Variants in CCDC7 observed in about 807,000 individuals in gnomAD.
The protein encoded by CCDC7 is coiled-coil domain containing 7.
CCDC7 carries 183 observed loss-of-function variants against 196.9 expected under a neutral mutation model. The observed-to-expected ratio is 0.93, with a 90% CI of 0.82 to 1.05. CCDC7 has a LOEUF of 1.05. Among genes scored for constraint, CCDC7 ranks in the 50% least tolerant of loss-of-function variants. CCDC7 has a pLI of 0.00. For missense variants in CCDC7, 1,540 were observed against 1,482.2 expected, an observed-to-expected ratio of 1.04 and a Z score of -0.64; for synonymous variants, 525 against 484.6, an observed-to-expected ratio of 1.08 and a Z score of -1.10.
intron 18 of CCDC7, among the ~76,000 whole-genome samples, chr10:32,596,002 A>G (rs141751151): frequency 6.6e-6 from 1 of 152,154 alleles, no homozygotes; most frequent in Non-Finnish European, 1.5e-5. Context: ...TGTGGTGCTG[A>G]GAAGAATGTA....
At chr10:32,822,921 G>A (rs1469262823) in intron 31 of CCDC7, among the ~76,000 whole-genome samples, 4 of 152,182 alleles carry the variant, frequency 2.6e-5, no homozygotes, top group South Asian at 4.1e-4. Flanking sequence ...CTTTGTATTC[G>A]TAGTGTTTAA....
chr10:32,644,447 G>A lies in CCDC7; in HGVS notation c.2014+9289G>A, dbSNP rs192438773. 1.2e-3 allele frequency among the ~76,000 whole-genome samples: 179 copies of A among 152,214 alleles called. 1 individual carries two copies. The highest frequency in any genetic ancestry group is 4.1e-3 in the African/African-American group (169 of 41,518). On this transcript the variant is annotated intron_variant, in intron 20 of 41. Transcript: ENST00000639629. The stretch of plus-strand genomic sequence containing the variant: ...CCACATATGAGTGAGATCATATGGA[G>A]TTTGTCTTTCTTGCCTGGCTTGTTT...
chr10:32,690,983 C>A (rs1458103479), intron 23 of CCDC7, among the ~76,000 whole-genome samples: 1 of 152,216 alleles, frequency 6.6e-6, no homozygotes, highest in African/African-American at 2.4e-5. Context: ...TCCCCAGTTC[C>A]TGGTGTCAGA....
chr10:32,876,234 T>C, intron 41 of CCDC7, 113 bp from the exon 43 acceptor site: 1 of 748,024 alleles, frequency 1.3e-6, no homozygotes, highest in Non-Finnish European at 2.2e-6. Context: ...TCCATTTTCA[T>C]TGTTTATATT....
At chr10:32,829,402 T>G (rs993373024) in intron 32 of CCDC7, among the ~76,000 whole-genome samples, 1 of 152,236 alleles carries the variant, frequency 6.6e-6, no homozygotes, top group African/African-American at 2.4e-5. Context: ...TTGTCATGAG[T>G]ATTTCCTCCT....
chr10:32,856,844 C>T (rs187768336), intron 41 of CCDC7, among the ~76,000 whole-genome samples: 61 of 152,232 alleles, frequency 4.0e-4, no homozygotes, highest in Admixed American at 4.0e-3. Context: ...GATCCTGGGC[C>T]TGAGATACTG....
In CCDC7 at chr10:32,517,942, C is replaced by T. The variant is rs2047305750; in HGVS notation, c.873-3C>T. On this transcript the variant is annotated splice_region_variant and splice_polypyrimidine_tract_variant and intron_variant, in intron 9 of 41. Transcript: ENST00000639629. ...AACACACTTTTTTTGGTTTATTTTT[C>T]AGAGCTGTAAATGATCAAGTTTTGT... 6.3e-7 allele frequency: 1 copy of T among 1,588,258 alleles called. No individual in the cohort carries two copies. The highest frequency in any genetic ancestry group is 1.8e-5 in the Admixed American group (1 of 55,634).
chr10:32,464,790 C>T (rs373179656), intron 5 of CCDC7, among the ~76,000 whole-genome samples: 25 of 152,256 alleles, frequency 1.6e-4, no homozygotes, highest in African/African-American at 6.0e-4. Flanking sequence ...GGATTACAGG[C>T]GTGAGCCACT....
At position 32,511,834 on chromosome 10, in the gene CCDC7, CG is replaced by C. The variant is rs1226141451; in HGVS notation, c.873-6109del. 4 of 779,392 alleles carry C rather than the reference CG, an allele frequency of 5.1e-6. No homozygotes were observed. In the African/African-American group the frequency reaches 6.9e-5, roughly 13 times the overall value. The allele number at this position is 779,392 out of a possible 1,614,324, so 48.3% of individuals were successfully genotyped here. ...GCGCCAGCTCTGCCCGCGCCACCAG[CG>C]GCGCTTTCCGATGATCTCACCAATG... On this transcript the variant is annotated intron_variant, in intron 9 of 41. Coordinates refer to ENST00000639629, the Ensembl canonical transcript of CCDC7.
chr10:32,639,555 G>A (rs2066321664), intron 20 of CCDC7, among the ~76,000 whole-genome samples: 1 of 151,532 alleles, frequency 6.6e-6, no homozygotes, highest in African/African-American at 2.4e-5. Flanking sequence ...GCGGTTTTGA[G>A]TGAGATTCTT....
intron 16 of CCDC7, among the ~76,000 whole-genome samples, chr10:32,579,559 T>C (rs2058549412): frequency 6.6e-6 from 1 of 152,196 alleles, no homozygotes. Context: ...TCCCCAAGAC[T>C]ACTGCCCTCA....
chr10:32,622,286 A>AT (rs144051363), intron 18 of CCDC7, among the ~76,000 whole-genome samples: 32 of 151,680 alleles, frequency 2.1e-4, no homozygotes, highest in Admixed American at 6.6e-4. Flanking sequence ...CCCTGTCTGG[A>AT]TTTTTTTTTC....
At chr10:32,648,479 G>A (rs1397936251) in intron 20 of CCDC7, among the ~76,000 whole-genome samples, 1 of 152,108 alleles carries the variant, frequency 6.6e-6, no homozygotes, top group Non-Finnish European at 1.5e-5. Context: ...ATGCATGCAT[G>A]TATCTTTATA....
At chr10:32,534,781 C>A (rs1197697622) in intron 11 of CCDC7, among the ~76,000 whole-genome samples, 1 of 152,104 alleles carries the variant, frequency 6.6e-6, no homozygotes, top group Non-Finnish European at 1.5e-5. Flanking sequence ...GCCACTCTGA[C>A]TTGACATCTC....
intron 41 of CCDC7, 150 bp from the exon 43 acceptor site, chr10:32,876,197 A>T: frequency 1.8e-6 from 1 of 570,134 alleles, no homozygotes; most frequent in Non-Finnish European, 3.1e-6. Flanking sequence ...TATAAAAACA[A>T]TAGGTAGGTA....
intron 13 of CCDC7, among the ~76,000 whole-genome samples, chr10:32,548,778 T>C (rs1263234099): frequency 6.6e-6 from 1 of 152,236 alleles, no homozygotes; most frequent in Non-Finnish European, 1.5e-5. Flanking sequence ...TTCCATCATA[T>C]AAATATACCA....
intron 18 of CCDC7, among the ~76,000 whole-genome samples, chr10:32,627,091 T>G (rs1465677412): frequency 2.0e-5 from 3 of 151,670 alleles, no homozygotes; most frequent in African/African-American, 7.3e-5. Context: ...CTGTGAAAAG[T>G]GACATTGGAA....
chr10:32,464,342 T>A (rs1028716339), intron 5 of CCDC7, among the ~76,000 whole-genome samples: 4 of 152,218 alleles, frequency 2.6e-5, no homozygotes, highest in African/African-American at 2.4e-5. Context: ...TTGGAACTCC[T>A]TCAATTCCTG....
intron 41 of CCDC7, among the ~76,000 whole-genome samples, chr10:32,875,959 A>T (rs2094584980): frequency 6.6e-6 from 1 of 151,918 alleles, no homozygotes; most frequent in Admixed American, 6.6e-5. Context: ...CTCCATTAAG[A>T]CTTCTTAAAG....
Sources: allele counts gnomAD v4.1 joint callset (sites outside exome capture counted in the v4.1 genomes callset), GRCh38; gene constraint gnomAD v4.1.1; transcripts MANE v1.5; gene names NCBI Gene and HGNC (gene_info 2026-07-23, HGNC 2026-07-21).